MYO16: variants seen among roughly 807,000 people sequenced by gnomAD.
The protein encoded by MYO16 is unconventional myosin-XVI.
A neutral mutation model predicts 205.3 loss-of-function variants in MYO16; 94 were observed. The ratio of observed to expected loss-of-function variants is 0.46; its 90% CI spans 0.39 to 0.54. MYO16 has a LOEUF of 0.54. MYO16 is among the 20% of genes least tolerant of loss of function. The pLI, the probability that MYO16 is intolerant of heterozygous loss-of-function variation, is 0.00. For synonymous variants in MYO16, 988 were observed against 954.0 expected, an observed-to-expected ratio of 1.04 and a Z score of -0.66; for missense variants, 2,315 against 2,387.5, an observed-to-expected ratio of 0.97 and a Z score of 0.63.
intron 4 of MYO16, among the ~76,000 whole-genome samples, chr13:108,749,495 G>A (rs1885162974): frequency 6.6e-6 from 1 of 152,152 alleles, no homozygotes; most frequent in Admixed American, 6.5e-5. Context: ...GATATACGAT[G>A]GCAAATAAGC....
intron 1 of MYO16, among the ~76,000 whole-genome samples, chr13:108,633,740 T>C (rs146940314): frequency 6.6e-6 from 1 of 152,214 alleles, no homozygotes; most frequent in African/African-American, 2.4e-5. Context: ...AACCCATTTT[T>C]TTCCTCAAGC....
At chr13:108,554,297 T>G in the MYO16 span, among the ~76,000 whole-genome samples, 1 of 152,092 alleles carries the variant, frequency 6.6e-6, no homozygotes, top group African/African-American at 2.4e-5. Context: ...GCTTTTATCA[T>G]CAACAAAAAA....
intron 4 of MYO16, among the ~76,000 whole-genome samples, chr13:108,777,961 G>A (rs373751070): frequency 2.8e-4 from 42 of 152,178 alleles, no homozygotes; most frequent in East Asian, 9.7e-4. Flanking sequence ...CTTTTTACTC[G>A]TTAATTATTC....
chr13:109,130,586 G>A (rs1294884725), intron 31 of MYO16, among the ~76,000 whole-genome samples: 3 of 152,322 alleles, frequency 2.0e-5, no homozygotes, highest in East Asian at 3.9e-4. Flanking sequence ...GAGGGCAAGC[G>A]CAGGAGCTTA....
intron 20 of MYO16, among the ~76,000 whole-genome samples, chr13:108,972,247 CTCTATATATA>C (rs1410242754): frequency 1.6e-4 from 1 of 6,066 alleles, no homozygotes; most frequent in Non-Finnish European, 3.4e-4. Context: ...CTCTCTCTCT[CTCTATATATA>C]TATATATATA....
rs16972817 is a variant in MYO16, at chr13:108,630,492, G to A, written c.28+620G>A. Among the ~76,000 whole-genome samples, 1,300 of 152,286 alleles carry A rather than the reference G, an allele frequency of 8.5e-3. 15 individuals are homozygous for A. The highest frequency in any genetic ancestry group is 0.029 in the African/African-American group (1,213 of 41,554). ...TGGGCTTATCAAGGGTTTCTTTAGC[G>A]TCTGAAATTTTGGCAGAATTTTCTG... On this transcript the variant is annotated intron_variant, in intron 1 of 34. Transcript: ENST00000457511.
chr13:108,949,185 T>C (rs1269630889), intron 16 of MYO16, among the ~76,000 whole-genome samples: 1 of 152,318 alleles, frequency 6.6e-6, no homozygotes, highest in Non-Finnish European at 1.5e-5. Flanking sequence ...ACTGTATTGC[T>C]GGAGAAGGTG....
chr13:108,657,744 T>C (rs1881309373), intron 1 of MYO16, among the ~76,000 whole-genome samples: 1 of 152,172 alleles, frequency 6.6e-6, no homozygotes, highest in Non-Finnish European at 1.5e-5. Context: ...TGTGTTGGTT[T>C]CTCTATGTAG....
intron 33 of MYO16, among the ~76,000 whole-genome samples, chr13:109,175,953 T>TAA (rs374867993): frequency 6.9e-6 from 1 of 144,376 alleles, no homozygotes. Flanking sequence ...CTTGCTATGT[T>TAA]AAAAAAAAAA....
At chr13:108,970,064 T>A (rs558207450) in intron 20 of MYO16, among the ~76,000 whole-genome samples, 54 of 152,288 alleles carry the variant, frequency 3.5e-4, no homozygotes, top group African/African-American at 1.2e-3. Context: ...TTGAACCAGA[T>A]AGCTGGGGGA....
intron 20 of MYO16, among the ~76,000 whole-genome samples, chr13:108,968,631 G>GA (rs911221648): frequency 6.7e-6 from 1 of 149,798 alleles, no homozygotes; most frequent in Non-Finnish European, 1.5e-5. Flanking sequence ...CATCTCAAAA[G>GA]AAAAAAAAAG....
intron 4 of MYO16, among the ~76,000 whole-genome samples, chr13:108,744,067 G>C (rs999120181): frequency 6.6e-6 from 1 of 152,162 alleles, no homozygotes; most frequent in Admixed American, 6.5e-5. Flanking sequence ...TGTGAACTGT[G>C]GTAGAAAATC....
At chr13:108,768,727 A>G (rs763604284) in intron 4 of MYO16, among the ~76,000 whole-genome samples, 5 of 152,192 alleles carry the variant, frequency 3.3e-5, no homozygotes, top group Non-Finnish European at 2.9e-5. Context: ...TGAGGAAAAC[A>G]TAATGAAAAT....
chr13:109,163,510 C>T (rs1039458022), intron 32 of MYO16, among the ~76,000 whole-genome samples: 1 of 140,564 alleles, frequency 7.1e-6, no homozygotes, highest in African/African-American at 2.6e-5. Context: ...TTCCCTCCCT[C>T]CCTCCCACCT....
At chr13:108,526,458 A>G in the MYO16 span, among the ~76,000 whole-genome samples, 20 of 151,170 alleles carry the variant, frequency 1.3e-4, no homozygotes, top group African/African-American at 4.4e-4. Context: ...TGTTGTTTCC[A>G]TGGCAGCAGT....
intron 20 of MYO16, among the ~76,000 whole-genome samples, chr13:108,990,718 C>G (rs1033326820): frequency 2.0e-5 from 3 of 151,744 alleles, no homozygotes; most frequent in African/African-American, 7.3e-5. Context: ...GAAATTTGTA[C>G]GAAGGCTTTT....
chr13:108,664,795 T>C (rs2139430808), intron 1 of MYO16, among the ~76,000 whole-genome samples: 1 of 152,326 alleles, frequency 6.6e-6, no homozygotes, highest in South Asian at 2.1e-4. Flanking sequence ...AATATAAGTG[T>C]TTATACAATT....
At chr13:108,604,736 G>T (rs779583602) in intron 1 of MYO16, among the ~76,000 whole-genome samples, 1 of 151,986 alleles carries the variant, frequency 6.6e-6, no homozygotes, top group Non-Finnish European at 1.5e-5. Flanking sequence ...TTTATTTTAC[G>T]GAAGGGTTTT....
intron 9 of MYO16, among the ~76,000 whole-genome samples, chr13:108,824,843 A>G (rs1214703629): frequency 2.0e-5 from 3 of 152,116 alleles, no homozygotes; most frequent in Non-Finnish European, 4.4e-5. Flanking sequence ...AAACACCAAG[A>G]AACAAAACTA....
Sources: allele counts gnomAD v4.1 joint callset (sites outside exome capture counted in the v4.1 genomes callset), GRCh38; gene constraint gnomAD v4.1.1; transcripts MANE v1.5; gene names NCBI Gene and HGNC (gene_info 2026-07-23, HGNC 2026-07-21).